BCAS3: variants seen among roughly 807,000 people sequenced by gnomAD.
The protein encoded by BCAS3 is BCAS4/BCAS3 fusion.
A neutral mutation model predicts 116.1 loss-of-function variants in BCAS3; 53 were observed. That is an observed-to-expected ratio of 0.46 (90% confidence interval 0.37 to 0.57). BCAS3 has a LOEUF of 0.57. Ranked by LOEUF, BCAS3 falls within the 20% of genes least tolerant of loss-of-function variation. The pLI is 0.00. For missense variants in BCAS3, 917 were observed against 1,165.4 expected (o/e 0.79, Z 3.10); for synonymous variants, 391 against 408.2 (o/e 0.96, Z 0.51).
rs767360442 is a variant in BCAS3, at chr17:61,144,683, G to A, written c.2425+60119G>A. Among the ~76,000 whole-genome samples the A allele has an allele frequency of 2.0e-5, 3 of 152,212 alleles. No individual in the cohort carries two copies. The highest frequency in any genetic ancestry group is 2.0e-4 in the Admixed American group (3 of 15,280). On this transcript the variant is annotated intron_variant, in intron 22 of 23. Coordinates refer to ENST00000407086, the MANE Select transcript of BCAS3 (RefSeq NM_017679.5). This position sits in a 1 kb window ranked among gnomAD's most constrained non-coding sequence, Gnocchi z 5.0. ...ATATTTCTCTCGTGTTCTTGAGCAT[G>A]TATTTAAGTTAGCTTTAGTTAACCC...
chr17:61,147,896 G>A (rs1265131834), intron 22 of BCAS3, among the ~76,000 whole-genome samples: 1 of 152,010 alleles, frequency 6.6e-6, no homozygotes, highest in Non-Finnish European at 1.5e-5. Flanking sequence ...TGAGGCACGA[G>A]GATCGCTTGA....
At chr17:61,269,790 TTTTC>T (rs952150005) in intron 22 of BCAS3, among the ~76,000 whole-genome samples, 4 of 151,454 alleles carry the variant, frequency 2.6e-5, no homozygotes, top group Admixed American at 6.6e-5. Context: ...CCTTTGGCCT[TTTTC>T]TTTCTTTCTT....
At chr17:60,813,314 G>A (rs1258501134) in intron 7 of BCAS3, among the ~76,000 whole-genome samples, 1 of 145,560 alleles carries the variant, frequency 6.9e-6, no homozygotes, top group Admixed American at 6.8e-5. Context: ...AAAAAAAAAG[G>A]AGGTTATGTT....
intron 12 of BCAS3, 79 bp from the exon 13 acceptor site, chr17:60,924,328 A>T: frequency 1.7e-6 from 2 of 1,168,550 alleles, no homozygotes; most frequent in Non-Finnish European, 2.6e-6. Flanking sequence ...GTGGTTTGTG[A>T]TGTGCCTTCT....
chr17:60,786,966 T>C (rs1173102006), intron 6 of BCAS3, among the ~76,000 whole-genome samples: 1 of 152,186 alleles, frequency 6.6e-6, no homozygotes, highest in Non-Finnish European at 1.5e-5. Flanking sequence ...GTAGAAAGCA[T>C]AGGATAATAA....
chr17:60,951,566 G>T (rs1258268854), intron 14 of BCAS3, among the ~76,000 whole-genome samples: 1 of 152,040 alleles, frequency 6.6e-6, no homozygotes, highest in African/African-American at 2.4e-5. Context: ...CAGTGCAGTG[G>T]TATTATATCT....
intron 22 of BCAS3, among the ~76,000 whole-genome samples, chr17:61,223,142 A>C (rs1284210408): frequency 7.2e-6 from 1 of 138,954 alleles, no homozygotes; most frequent in Non-Finnish European, 1.5e-5. Context: ...ATGTGACAGG[A>C]TGCAGCGCCT....
chr17:60,952,780 C>A (rs760480331), intron 14 of BCAS3, among the ~76,000 whole-genome samples: 2 of 151,992 alleles, frequency 1.3e-5, no homozygotes, highest in East Asian at 1.9e-4. Flanking sequence ...CATCTTCCAC[C>A]CTCAAGGAGG....
Position 61,189,697 on chromosome 17 carries a change from A to T in BCAS3, c.2425+105133A>T. On this transcript the variant is annotated intron_variant, in intron 22 of 23. Transcript: ENST00000407086. This position sits in a 1 kb window ranked among gnomAD's most constrained non-coding sequence, Gnocchi z 4.5. ...GCATGGTGACTGGATATCAGTCATGAGGAGAAGGGGGAAGAGTTTAATATA... is the reference window on the plus strand; with the variant it reads ...GCATGGTGACTGGATATCAGTCATGTGGAGAAGGGGGAAGAGTTTAATATA... Among the ~76,000 whole-genome samples, 1 of 152,234 alleles carries T rather than the reference A, an allele frequency of 6.6e-6. No individual in the cohort carries two copies.
intron 8 of BCAS3, among the ~76,000 whole-genome samples, chr17:60,872,705 A>G (rs1415900715): frequency 6.6e-6 from 1 of 150,980 alleles, no homozygotes; most frequent in African/African-American, 2.4e-5. Context: ...ATATCTATGT[A>G]TGTATATACA....
chr17:61,267,402 A>C (rs1423179546), intron 22 of BCAS3, among the ~76,000 whole-genome samples: 1 of 151,910 alleles, frequency 6.6e-6, no homozygotes, highest in Non-Finnish European at 1.5e-5. Context: ...AAATTAAAAG[A>C]TATTAAGTCA....
In BCAS3 at chr17:61,261,218, G is replaced by C. The variant is rs2144587334; in HGVS notation, c.2426-107109G>C. 6.6e-6 allele frequency among the ~76,000 whole-genome samples: 1 copy of C among 152,300 alleles called. No homozygotes were observed. Among genetic ancestry groups the C allele is most frequent in the South Asian group, 2.1e-4 (1 of 4,820 alleles). ...CCTCCCTGGGGAGCGGGTGGACAGG[G>C]AAAGAAGGTTTGATGGCAGTTATTA... On this transcript the variant is annotated intron_variant, in intron 22 of 23. Transcript: ENST00000407086. The surrounding 1 kb of genome is among the most constrained non-coding windows in gnomAD (Gnocchi z 4.4).
chr17:61,250,133 G>A (rs1396857249), intron 22 of BCAS3, among the ~76,000 whole-genome samples: 1 of 152,306 alleles, frequency 6.6e-6, no homozygotes, highest in East Asian at 1.9e-4. Context: ...CCTGGGCCCA[G>A]TAGAGAGCTT....
rs2077098813 is a variant in BCAS3, at chr17:61,144,627, A to G, written c.2425+60063A>G. On this transcript the variant is annotated intron_variant, in intron 22 of 23. Coordinates refer to ENST00000407086, the MANE Select transcript of BCAS3 (RefSeq NM_017679.5). The surrounding 1 kb of genome is among the most constrained non-coding windows in gnomAD (Gnocchi z 5.0). ...GAAAATTTATGATTGTTGATCCTCA[A>G]TAGTCAAAAAAGTAGTCATTTAACA... is the stretch of plus-strand genomic sequence containing the variant. Among the ~76,000 whole-genome samples the G allele has an allele frequency of 2.6e-5, 4 of 152,344 alleles. No homozygotes were observed. The highest frequency in any genetic ancestry group is 2.1e-4 in the South Asian group (1 of 4,828).
rs190001063 is a variant in BCAS3 at position 61,296,490 on chromosome 17, G to C, written c.2426-71837G>C. Among the ~76,000 whole-genome samples, 15 of 152,236 alleles carry C rather than the reference G, an allele frequency of 9.9e-5. No homozygotes were observed. In the East Asian group the frequency reaches 2.9e-3, roughly 29 times the overall value. Reference sequence around the variant, plus strand: ...TCTTTTTGAAAAAGGTAATTTTGACGAAGGTACATGAAATAGAGCCCGAAT... The same window carrying C: ...TCTTTTTGAAAAAGGTAATTTTGACCAAGGTACATGAAATAGAGCCCGAAT... On this transcript the variant is annotated intron_variant, in intron 22 of 23. Transcript: ENST00000407086.
chr17:60,813,191 C>T (rs935556979), intron 7 of BCAS3, among the ~76,000 whole-genome samples: 4 of 151,984 alleles, frequency 2.6e-5, no homozygotes, highest in Admixed American at 1.3e-4. Context: ...TTCCTCTATA[C>T]ATACACAGGC....
rs144847234 is a variant in BCAS3, at chr17:61,344,586, G to A, written c.2426-23741G>A. On this transcript the variant is annotated intron_variant, in intron 22 of 23. Coordinates refer to ENST00000407086, the MANE Select transcript of BCAS3 (RefSeq NM_017679.5). The surrounding 1 kb of genome is among the most constrained non-coding windows in gnomAD (Gnocchi z 4.1). ...AAACAGCCAGCAGTGGCAGTAGTGTGTTACATGCTGATAGGGCAGGTTCAG... is the reference window on the plus strand; with the variant it reads ...AAACAGCCAGCAGTGGCAGTAGTGTATTACATGCTGATAGGGCAGGTTCAG... Among the ~76,000 whole-genome samples the A allele has an allele frequency of 1.2e-3, 183 of 152,336 alleles. No individual in the cohort carries two copies. Among genetic ancestry groups the A allele is most frequent in the African/African-American group, 4.3e-3 (179 of 41,580 alleles).
Position 61,361,979 on chromosome 17 carries a change from C to T in BCAS3, c.2426-6348C>T, listed in dbSNP as rs1375938320. ...ATCTTCTTTCCTCAGTCTACCAACTCGAATGCTAATCTCTCCCAGAAACAC... is the reference window on the plus strand; with the variant it reads ...ATCTTCTTTCCTCAGTCTACCAACTTGAATGCTAATCTCTCCCAGAAACAC... On this transcript the variant is annotated intron_variant, in intron 22 of 23. Coordinates refer to ENST00000407086, the MANE Select transcript of BCAS3 (RefSeq NM_017679.5). This position sits in a 1 kb window ranked among gnomAD's most constrained non-coding sequence, Gnocchi z 6.5. 6.6e-6 allele frequency: 1 copy of T among 152,438 alleles called. No individual in the cohort carries two copies. The highest frequency in any genetic ancestry group is 2.4e-5 in the African/African-American group (1 of 41,444). 9.4% of individuals were successfully genotyped at this position (152,438 alleles called of 1,614,324 possible).
At chr17:61,000,802 A>G (rs936452307) in intron 15 of BCAS3, among the ~76,000 whole-genome samples, 1 of 152,176 alleles carries the variant, frequency 6.6e-6, no homozygotes, top group Non-Finnish European at 1.5e-5. Context: ...TTGCTACACC[A>G]ATGCAAAACC....
Sources: gnomAD v4.1 joint callset for allele counts (sites outside exome capture counted in the v4.1 genomes callset) on GRCh38, gnomAD v4.1.1 for gene constraint, Gnocchi (gnomAD v3.1) non-coding constraint, MANE v1.5 for transcripts, NCBI Gene and HGNC (gene_info 2026-07-23, HGNC 2026-07-21) for gene names.